Variants in PTPRD observed in about 807,000 individuals in gnomAD.
PTPRD encodes the protein receptor-type tyrosine-protein phosphatase delta.
In PTPRD, 34 loss-of-function variants were observed where a neutral mutation model predicts 214.5. That is an observed-to-expected ratio of 0.16 (90% CI 0.12 to 0.21). The LOEUF (loss-of-function observed/expected upper bound fraction) is 0.21. Ranked by LOEUF, PTPRD falls within the 10% of genes least tolerant of loss-of-function variation. PTPRD has a pLI of 1.00. For synonymous variants in PTPRD, 1,128 were observed against 845.7 expected (o/e 1.33, Z -5.79); for missense variants, 2,545 against 2,398.7 (o/e 1.06, Z -1.27).
At chr9:8,686,580 G>T (rs182746702) in intron 12 of PTPRD, among the ~76,000 whole-genome samples, 2 of 152,238 alleles carry the variant, frequency 1.3e-5, no homozygotes, top group Non-Finnish European at 1.5e-5. Flanking sequence ...AATAAGTGAA[G>T]GGGGGTCAAA....
At chr9:8,446,582 A>G (rs534782953) in intron 34 of PTPRD, among the ~76,000 whole-genome samples, 221 of 152,318 alleles carry the variant, frequency 1.5e-3, no homozygotes, top group South Asian at 0.011. Flanking sequence ...TATTTCATTG[A>G]AAGACATTTT....
intron 3 of PTPRD, among the ~76,000 whole-genome samples, chr9:10,081,080 C>CT (rs1027595045): frequency 7.9e-5 from 12 of 151,832 alleles, no homozygotes; most frequent in Admixed American, 2.6e-4. Flanking sequence ...TCTCTTTCTC[C>CT]TTTTTTTAAA....
At chr9:10,114,483 G>A (rs538334023) in intron 3 of PTPRD, among the ~76,000 whole-genome samples, 2 of 151,678 alleles carry the variant, frequency 1.3e-5, no homozygotes, top group Admixed American at 6.6e-5. Context: ...TCTCTCGCTC[G>A]CTCTCACTCT....
chr9:9,956,529 A>G (rs1012471910), intron 4 of PTPRD, among the ~76,000 whole-genome samples: 1 of 152,196 alleles, frequency 6.6e-6, no homozygotes, highest in Admixed American at 6.5e-5. Context: ...TAATATTAAA[A>G]ATATTCAAAA....
At position 9,404,801 on chromosome 9, in the gene PTPRD, G is replaced by C. The variant is rs577237171; in HGVS notation, c.-236-7319C>G. ...GTAGCACATTAGAGAGTTTAGGCCA[G>C]AGCCCCGAGAAGTCCTGATATTAAG... On this transcript the variant is annotated intron_variant, in intron 8 of 45. Coordinates refer to ENST00000381196, the MANE Select transcript of PTPRD (RefSeq NM_002839.4). Among the ~76,000 whole-genome samples the C allele has an allele frequency of 2.0e-5, 3 of 152,174 alleles. No homozygotes were observed. In the East Asian group the frequency reaches 5.8e-4, roughly 30 times the overall value.
intron 6 of PTPRD, among the ~76,000 whole-genome samples, chr9:9,750,177 T>A (rs1182808479): frequency 6.6e-6 from 1 of 152,202 alleles, no homozygotes; most frequent in Non-Finnish European, 1.5e-5. Context: ...ATATCCTAAA[T>A]GCAATCAAAG....
chr9:9,587,866 G>A (rs1336090996), intron 7 of PTPRD, among the ~76,000 whole-genome samples: 7 of 151,972 alleles, frequency 4.6e-5, no homozygotes, highest in African/African-American at 1.7e-4. Flanking sequence ...GGTTGGAATT[G>A]GAGGATAAAG....
intron 10 of PTPRD, among the ~76,000 whole-genome samples, chr9:9,070,321 A>G (rs929387553): frequency 2.9e-4 from 44 of 152,226 alleles, no homozygotes; most frequent in African/African-American, 7.2e-4. Context: ...TACAAGAAAT[A>G]TGCTATTTTC....
At chr9:9,530,755 T>C (rs7049205) in intron 8 of PTPRD, among the ~76,000 whole-genome samples, 24,951 of 151,980 alleles carry the variant, frequency 0.16, 2,253 homozygotes, top group Middle Eastern at 0.2. Context: ...GGAACAGAGG[T>C]GATATTAAGT....
rs180887554 is a variant in PTPRD, at chr9:8,879,355, C to A, written c.-104+139342G>T. 2.2e-3 allele frequency among the ~76,000 whole-genome samples: 340 copies of A among 152,200 alleles called. 1 individual carries two copies. The highest frequency in any genetic ancestry group is 7.7e-3 in the African/African-American group (319 of 41,512). On this transcript the variant is annotated intron_variant, in intron 11 of 45. Coordinates refer to ENST00000381196, the MANE Select transcript of PTPRD (RefSeq NM_002839.4). ...GTACTGACCATACAATGTGATTGGG[C>A]CCAATAGGCTTGGCTCTGCATTCAT...
At chr9:8,905,783 C>A (rs929775297) in intron 11 of PTPRD, among the ~76,000 whole-genome samples, 1 of 151,840 alleles carries the variant, frequency 6.6e-6, no homozygotes, top group African/African-American at 2.4e-5. Flanking sequence ...ATTAGCCTAC[C>A]CTTCTTCCAT....
chr9:8,325,397 T>A (rs1587546989), intron 44 of PTPRD, among the ~76,000 whole-genome samples: 1 of 149,204 alleles, frequency 6.7e-6, no homozygotes, highest in East Asian at 2.0e-4. Context: ...AGATAAGATG[T>A]TTGCAGATGT....
chr9:9,390,816 C>A (rs2065560656), intron 9 of PTPRD, among the ~76,000 whole-genome samples: 1 of 152,052 alleles, frequency 6.6e-6, no homozygotes, highest in African/African-American at 2.4e-5. Flanking sequence ...CATTAGTAAT[C>A]TGTGTTTGTT....
At chr9:9,494,847 G>C (rs573394237) in intron 8 of PTPRD, among the ~76,000 whole-genome samples, 3 of 152,066 alleles carry the variant, frequency 2.0e-5, no homozygotes, top group South Asian at 4.1e-4. Context: ...AGGGACCCTG[G>C]ATTACCAAAA....
intron 11 of PTPRD, among the ~76,000 whole-genome samples, chr9:8,897,541 C>T (rs1372536755): frequency 6.6e-6 from 1 of 152,094 alleles, no homozygotes; most frequent in Non-Finnish European, 1.5e-5. Context: ...TTTTGATATC[C>T]CCAGAGAGGG....
At chr9:8,395,008 T>C (rs1472696706) in intron 36 of PTPRD, among the ~76,000 whole-genome samples, 1 of 152,156 alleles carries the variant, frequency 6.6e-6, no homozygotes, top group African/African-American at 2.4e-5. Context: ...TGGATGCGGC[T>C]GCACTACAGA....
intron 3 of PTPRD, among the ~76,000 whole-genome samples, chr9:10,037,593 A>C (rs1383853763): frequency 5.9e-5 from 9 of 152,064 alleles, no homozygotes; most frequent in South Asian, 4.2e-4. Flanking sequence ...AAAAAAAAAA[A>C]AAAAAACAAG....
intron 2 of PTPRD, among the ~76,000 whole-genome samples, chr9:10,506,608 T>G (rs543640355): frequency 2.2e-4 from 33 of 152,224 alleles, no homozygotes; most frequent in Non-Finnish European, 1.9e-4. Context: ...CTACTATGTA[T>G]TCACACAAAT....
chr9:10,057,496 G>T (rs13293259), intron 3 of PTPRD, among the ~76,000 whole-genome samples: 5,246 of 133,744 alleles, frequency 0.039, 124 homozygotes, highest in African/African-American at 0.082. Context: ...GGACATTAAA[G>T]AAGAAAAAAA....
Sources: gnomAD v4.1 joint callset for allele counts (sites outside exome capture counted in the v4.1 genomes callset) on GRCh38, gnomAD v4.1.1 for gene constraint, MANE v1.5 for transcripts, NCBI Gene and HGNC (gene_info 2026-07-23, HGNC 2026-07-21) for gene names.